Variants in ENOX1 observed in about 807,000 individuals in gnomAD.
The protein encoded by ENOX1 is candidate growth-related and time keeping constitutive hydroquinone (NADH) oxidase.
In ENOX1, 42 loss-of-function variants were observed where a neutral mutation model predicts 82.5. That is an observed-to-expected ratio of 0.51 (90% CI 0.40 to 0.66). The LOEUF (loss-of-function observed/expected upper bound fraction) is 0.66. ENOX1 is among the 30% of genes least tolerant of loss of function. The pLI, the probability that ENOX1 is intolerant of heterozygous loss-of-function variation, is 0.00. For synonymous variants in ENOX1, 271 were observed against 282.2 expected (o/e 0.96, Z 0.40); for missense variants, 608 against 811.6 (o/e 0.75, Z 3.05).
At chr13:43,372,553 A>C (rs1341805217) in intron 5 of ENOX1, among the ~76,000 whole-genome samples, 1 of 152,174 alleles carries the variant, frequency 6.6e-6, no homozygotes, top group Non-Finnish European at 1.5e-5. Context: ...CAGGGACAGG[A>C]GAGGACATCA....
rs2041290346 is a variant in ENOX1, at chr13:43,213,538, C to CTTTT, written c.*448_*451dup. ...TTTTCTTTTTTCTTTTTTTCTTTTT[C>CTTTT]TTTTTCTTTTTTTTTTTTTTTTTTT... On this transcript the variant is annotated 3_prime_UTR_variant, in exon 17 of 17. Coordinates refer to ENST00000690772, the MANE Select transcript of ENOX1 (RefSeq NM_001347969.2). 2.0e-5 allele frequency: 2 copies of CTTTT among 97,872 alleles called. No homozygotes were observed. Among genetic ancestry groups the CTTTT allele is most frequent in the Non-Finnish European group, 4.2e-5 (2 of 47,520 alleles). 6.1% of individuals were successfully genotyped at this position (97,872 alleles called of 1,614,324 possible). A position where few individuals can be genotyped will look rare whatever the true frequency, so the allele number is the denominator to read the frequency against.
chr13:43,697,324 G>A (rs1274624265), intron 1 of ENOX1, among the ~76,000 whole-genome samples: 1 of 152,180 alleles, frequency 6.6e-6, no homozygotes, highest in Admixed American at 6.5e-5. Flanking sequence ...GAGAAGAAAA[G>A]TGGCCTGTTA....
At chr13:43,485,158 G>A (rs2076369957) in intron 2 of ENOX1, among the ~76,000 whole-genome samples, 1 of 152,102 alleles carries the variant, frequency 6.6e-6, no homozygotes, top group South Asian at 2.1e-4. Flanking sequence ...ACAAAGCGAG[G>A]GCTCTAGTTG....
In ENOX1 at chr13:43,387,488, G is replaced by A. The variant is rs1186312215; in HGVS notation, c.208+24428C>T. On this transcript the variant is annotated intron_variant, in intron 5 of 16. Transcript: ENST00000690772. ...CAGAGCCTGGTGGGTAAGGGGTACA[G>A]TGACAGATATGAGATTCAACAGGGG... is the stretch of plus-strand genomic sequence containing the variant. 5.9e-5 allele frequency among the ~76,000 whole-genome samples: 9 copies of A among 152,216 alleles called. No individual in the cohort carries two copies. The East Asian group carries it at 1.7e-3, about 29-fold the overall frequency.
At chr13:43,724,483 A>G (rs2088801193) in intron 1 of ENOX1, among the ~76,000 whole-genome samples, 1 of 152,212 alleles carries the variant, frequency 6.6e-6, no homozygotes. Context: ...CTCCTTGGCA[A>G]CACTATCTTA....
At chr13:43,462,677 G>C (rs949920857) in intron 3 of ENOX1, among the ~76,000 whole-genome samples, 1 of 152,196 alleles carries the variant, frequency 6.6e-6, no homozygotes, top group Non-Finnish European at 1.5e-5. Context: ...AGCAAATAAA[G>C]TTTATGTTTG....
intron 2 of ENOX1, among the ~76,000 whole-genome samples, chr13:43,485,489 T>C (rs2076381864): frequency 1.3e-5 from 2 of 152,182 alleles, no homozygotes; most frequent in Admixed American, 1.3e-4. Flanking sequence ...TTATTGGATT[T>C]TTGGCCACAA....
At chr13:43,229,999 C>G (rs2042205370) in intron 15 of ENOX1, among the ~76,000 whole-genome samples, 1 of 151,980 alleles carries the variant, frequency 6.6e-6, no homozygotes, top group African/African-American at 2.4e-5. Flanking sequence ...GCAATGGCAA[C>G]AAAAAGGGAT....
At chr13:43,511,187 T>A (rs2077355628) in intron 2 of ENOX1, among the ~76,000 whole-genome samples, 1 of 152,166 alleles carries the variant, frequency 6.6e-6, no homozygotes, top group Non-Finnish European at 1.5e-5. Flanking sequence ...AGGCTCTCTA[T>A]CCATTCTTGG....
intron 2 of ENOX1, among the ~76,000 whole-genome samples, chr13:43,572,389 G>A (rs2080224110): frequency 6.6e-6 from 1 of 152,226 alleles, no homozygotes; most frequent in South Asian, 2.1e-4. Flanking sequence ...CTTCTTGCCT[G>A]TTGGAAGCAC....
intron 14 of ENOX1, among the ~76,000 whole-genome samples, chr13:43,257,510 CATATG>C (rs2043818050): frequency 1.3e-5 from 2 of 152,014 alleles, no homozygotes; most frequent in Admixed American, 1.3e-4. Flanking sequence ...TAAAATTGTC[CATATG>C]ATATGCTATA....
At chr13:43,395,147 G>A (rs537319226) in intron 5 of ENOX1, among the ~76,000 whole-genome samples, 41 of 152,364 alleles carry the variant, frequency 2.7e-4, no homozygotes, top group African/African-American at 9.6e-4. Context: ...TGATGGACTA[G>A]CAACATCTGC....
intron 14 of ENOX1, among the ~76,000 whole-genome samples, chr13:43,255,147 CA>C (rs1051023611): frequency 1.3e-5 from 2 of 152,022 alleles, no homozygotes; most frequent in Non-Finnish European, 2.9e-5. Context: ...TTAACATATG[CA>C]AATAATAAAG....
At chr13:43,670,090 ATG>A (rs1421594801) in intron 1 of ENOX1, among the ~76,000 whole-genome samples, 1 of 152,186 alleles carries the variant, frequency 6.6e-6, no homozygotes, top group Non-Finnish European at 1.5e-5. Context: ...AGCCAGATAA[ATG>A]ACAAGGCAGG....
chr13:43,720,465 T>A (rs548315766), intron 1 of ENOX1, among the ~76,000 whole-genome samples: 26 of 152,320 alleles, frequency 1.7e-4, no homozygotes, highest in African/African-American at 6.0e-4. Context: ...CTTTGAGCTG[T>A]CTCAATTATA....
At chr13:43,676,398 G>C (rs1375468017) in intron 1 of ENOX1, among the ~76,000 whole-genome samples, 1 of 152,150 alleles carries the variant, frequency 6.6e-6, no homozygotes, top group East Asian at 1.9e-4. Context: ...TATACTACCT[G>C]TACAAGTTTT....
At chr13:43,317,117 C>T (rs576665635) in intron 11 of ENOX1, among the ~76,000 whole-genome samples, 17 of 152,338 alleles carry the variant, frequency 1.1e-4, no homozygotes, top group African/African-American at 4.1e-4. Context: ...GGTCTGCTGG[C>T]GCCCGGAGCT....
At chr13:43,416,060 C>T (rs533606895) in intron 3 of ENOX1, among the ~76,000 whole-genome samples, 13 of 145,278 alleles carry the variant, frequency 8.9e-5, no homozygotes, top group South Asian at 4.4e-4. Flanking sequence ...GATGGGTGGC[C>T]GGGCAGAGGC....
intron 12 of ENOX1, 124 bp downstream of exon 12, chr13:43,298,222 A>G (rs764007847): frequency 1.1e-4 from 113 of 1,013,992 alleles, no homozygotes; most frequent in Non-Finnish European, 1.4e-4. Context: ...CTGTCCTAGT[A>G]ACATAGCTTT....
Sources: allele counts gnomAD v4.1 joint callset (sites outside exome capture counted in the v4.1 genomes callset), GRCh38; gene constraint gnomAD v4.1.1; transcripts MANE v1.5; gene names NCBI Gene and HGNC (gene_info 2026-07-23, HGNC 2026-07-21).